Variants in TMEM52B observed in about 807,000 individuals in gnomAD.
TMEM52B encodes the protein chromosome 12 open reading frame 59.
Under a neutral mutation model 16.1 loss-of-function variants are expected in TMEM52B, and 11 were observed. The ratio of observed to expected loss-of-function variants is 0.68; its 90% CI spans 0.43 to 1.13. The LOEUF (loss-of-function observed/expected upper bound fraction) is 1.13, where lower values mean the gene tolerates loss of function less well. Ranked by LOEUF, TMEM52B falls within the 50% of genes most tolerant of loss-of-function variation. The pLI is 0.00. For synonymous variants in TMEM52B, 101 were observed against 93.8 expected, an observed-to-expected ratio of 1.08 and a Z score of -0.45; for missense variants, 243 against 230.4, an observed-to-expected ratio of 1.05 and a Z score of -0.35.
In TMEM52B at chr12:10,186,548, T is replaced by C. The variant is rs1948882011; in HGVS notation, c.266T>C (p.Ile89Thr). The C allele has an allele frequency of 1.2e-6, 2 of 1,608,466 alleles. No homozygotes were observed. The highest frequency in any genetic ancestry group is 1.7e-6 in the Non-Finnish European group (2 of 1,175,800). Residue 89 changes from isoleucine (I) to threonine (T), a missense_variant, in exon 4 of 5, where the codon ATT becomes ACT. Physicochemically the swap from Ile to Thr is moderately conservative, Grantham distance 89 (BLOSUM62 -1). Coordinates refer to ENST00000543484, the MANE Select transcript of TMEM52B (RefSeq NM_001384896.1). ...CCACCACCCTGTGAAGTGACCGTCA[T>C]TGCTTTCGATCACGACAGCACTCTC... ...GGPPPCEVTV[I>T]AFDHDSTLQS... is the part of the protein sequence containing the mutation.
upstream of TMEM52B, among the ~76,000 whole-genome samples, chr12:10,178,292 G>C (rs769297313): frequency 4.0e-5 from 6 of 151,894 alleles, no homozygotes; most frequent in South Asian, 2.1e-4. Context: ...CGAGTCGGGC[G>C]GATCATGAGG....
intron 1 of TMEM52B, 40 bp downstream of exon 1, chr12:10,179,668 C>G: frequency 6.2e-7 from 1 of 1,611,648 alleles, no homozygotes; most frequent in Non-Finnish European, 8.5e-7. Context: ...GTATTTTTCC[C>G]CAGATTAATC....
At chr12:10,188,519 AGG>A in intron 4 of TMEM52B, among the ~76,000 whole-genome samples, 1 of 99,350 alleles carries the variant, frequency 1.0e-5, no homozygotes, top group Non-Finnish European at 2.1e-5. Context: ...GAAGGAAGGA[AGG>A]AAGGAAGGAA....
At position 10,191,795 on chromosome 12, in the gene TMEM52B, C is replaced by A. The variant is rs949467997; in HGVS notation, c.*1655C>A. On this transcript the variant is annotated 3_prime_UTR_variant, in exon 5 of 5. Transcript: ENST00000543484. ...ATAAATACTTGTTGATTGCGGTAAA[C>A]AGCAACAGATATAAGTGATTCCTCG... 2.6e-5 allele frequency: 4 copies of A among 152,120 alleles called. No homozygotes were observed. Among genetic ancestry groups the A allele is most frequent in the Admixed American group, 2.6e-4 (4 of 15,270 alleles). 9.4% of individuals were successfully genotyped at this position (152,120 alleles called of 1,614,324 possible).
upstream of TMEM52B, among the ~76,000 whole-genome samples, chr12:10,177,815 T>TAATAATAATAATAATAA (rs10631520): frequency 1.6e-5 from 1 of 62,954 alleles, no homozygotes. Flanking sequence ...ATAATAATAA[T>TAATAATAATAATAATAA]TTTTTTATTA....
At chr12:10,186,687 A>C in intron 4 of TMEM52B, 98 bp downstream of exon 4, 2 of 1,243,402 alleles carry the variant, frequency 1.6e-6, no homozygotes, top group Non-Finnish European at 2.1e-6. Context: ...GTAATATTAA[A>C]GATTCCAGGA....
intron 1 of TMEM52B, among the ~76,000 whole-genome samples, chr12:10,180,862 G>A (rs7313061): frequency 0.57 from 86,123 of 151,896 alleles, 27,835 homozygotes; most frequent in Non-Finnish European, 0.74. Context: ...CTGGAGTGCA[G>A]TGGCACGATC....
rs200082927 is a variant in TMEM52B, at chr12:10,189,958, T to A, written c.370T>A (p.Ser124Thr). The change falls in exon 5 of 5, where the codon TCC (serine) becomes ACC (threonine). Residue 124 changes from serine to threonine, a missense_variant. Physicochemically the swap from Ser to Thr is moderately conservative, Grantham distance 58. Transcript: ENST00000543484. ...RILAVAHSHS[S>T]LGQLPSSLDT... The stretch of plus-strand genomic sequence containing the variant: ...CCTGGCTGTGGCTCACTCCCACAGC[T>A]CCCTGGGCCAGCTGCCCTCCTCTTT... 7.4e-6 allele frequency: 12 copies of A among 1,614,144 alleles called. No homozygotes were observed. The East Asian group carries it at 2.5e-4, about 33-fold the overall frequency.
At chr12:10,185,971 G>A (rs1393376869) in intron 3 of TMEM52B, among the ~76,000 whole-genome samples, 1 of 152,166 alleles carries the variant, frequency 6.6e-6, no homozygotes, top group African/African-American at 2.4e-5. Context: ...AACCCAGGAG[G>A]CAGAGGTTGC....
At chr12:10,182,038 A>AC (rs1296848586) in intron 1 of TMEM52B, 123 of 261,774 alleles carry the variant, frequency 4.7e-4, no homozygotes, top group African/African-American at 1.8e-3. Flanking sequence ...AAAAAAAAAA[A>AC]AACAAAAAAA....
chr12:10,184,771 G>C (rs1045373497), intron 2 of TMEM52B, among the ~76,000 whole-genome samples: 1 of 151,840 alleles, frequency 6.6e-6, no homozygotes, highest in Non-Finnish European at 1.5e-5. Context: ...ATATACACAA[G>C]CCTTAAGTTT....
At chr12:10,178,815 C>T (rs181412215), upstream of TMEM52B, among the ~76,000 whole-genome samples, 1 of 152,262 alleles carries the variant, frequency 6.6e-6, no homozygotes, top group African/African-American at 2.4e-5. Flanking sequence ...CTGATAACAC[C>T]TGAAAATTCT....
At chr12:10,177,770 T>C (rs1489198802), upstream of TMEM52B, among the ~76,000 whole-genome samples, 1 of 19,166 alleles carries the variant, frequency 5.2e-5, no homozygotes, top group Non-Finnish European at 8.6e-5. Context: ...CTGTCTCAAA[T>C]AATAATAATA....
At chr12:10,178,027 T>C (rs1455598955), upstream of TMEM52B, among the ~76,000 whole-genome samples, 1 of 150,566 alleles carries the variant, frequency 6.6e-6, no homozygotes, top group Non-Finnish European at 1.5e-5. Context: ...TCCCAAGTAG[T>C]TGGGATTACA....
upstream of TMEM52B, among the ~76,000 whole-genome samples, chr12:10,178,522 CAAAAAAAA>C (rs56217145): frequency 2.0e-4 from 22 of 109,772 alleles, no homozygotes; most frequent in Admixed American, 1.4e-3. Context: ...GACTCCGTCT[CAAAAAAAA>C]AAAAAAAAAA....
chr12:10,180,683 T>G (rs1029091834), intron 1 of TMEM52B, among the ~76,000 whole-genome samples: 1 of 152,236 alleles, frequency 6.6e-6, no homozygotes, highest in Non-Finnish European at 1.5e-5. Flanking sequence ...AAACTCCCAA[T>G]AGTTACAAAT....
upstream of TMEM52B, among the ~76,000 whole-genome samples, chr12:10,178,431 G>T (rs12311169): frequency 0.57 from 85,181 of 150,572 alleles, 24,643 homozygotes; most frequent in Middle Eastern, 0.72. Flanking sequence ...GCTGAGGCAG[G>T]AGAATGGCAT....
chr12:10,182,857 T>C (rs754280116), intron 2 of TMEM52B, among the ~76,000 whole-genome samples: 19 of 152,186 alleles, frequency 1.2e-4, no homozygotes, highest in Non-Finnish European at 2.2e-4. Flanking sequence ...TATACAGTCA[T>C]AGAGACTTGC....
At chr12:10,183,409 A>T (rs1948845016) in intron 2 of TMEM52B, among the ~76,000 whole-genome samples, 1 of 152,100 alleles carries the variant, frequency 6.6e-6, no homozygotes, top group African/African-American at 2.4e-5. Context: ...GAACTAGAAG[A>T]GTTTTCAACA....
Sources: gnomAD v4.1 joint callset for allele counts (sites outside exome capture counted in the v4.1 genomes callset) on GRCh38, gnomAD v4.1.1 for gene constraint, MANE v1.5 for transcripts, NCBI Gene and HGNC (gene_info 2026-07-23, HGNC 2026-07-21) for gene names.